The following ABHD12 variants were observed in gnomAD, a reference collection of about 807,000 sequenced individuals.
The protein encoded by ABHD12 is lysophosphatidylserine lipase ABHD12.
A neutral mutation model predicts 58.3 loss-of-function variants in ABHD12; 43 were observed. That is an observed-to-expected ratio of 0.74 (90% CI 0.58 to 0.95). ABHD12 has a LOEUF of 0.95. Among genes scored for constraint, ABHD12 ranks in the 40% least tolerant of loss-of-function variants. The pLI, the probability that ABHD12 is intolerant of heterozygous loss-of-function variation, is 0.00. For synonymous variants in ABHD12, 219 were observed against 211.2 expected (o/e 1.04, Z -0.32); for missense variants, 539 against 537.2 (o/e 1.00, Z -0.03).
At chr20:25,330,129 G>A (rs768717815) in intron 2 of ABHD12, among the ~76,000 whole-genome samples, 9 of 152,260 alleles carry the variant, frequency 5.9e-5, no homozygotes, top group Non-Finnish European at 7.3e-5. Flanking sequence ...GCCAAAGCAG[G>A]GCAAGGCATT....
chr20:25,302,101 G>A (rs565046026), intron 12 of ABHD12, 118 bp downstream of exon 12: 31 of 1,448,484 alleles, frequency 2.1e-5, no homozygotes, highest in Non-Finnish European at 2.9e-5. Flanking sequence ...CCAAATCACT[G>A]TGACTCTTGG....
chr20:25,303,322 T>A, intron 11 of ABHD12: 1 of 1,426,816 alleles, frequency 7.0e-7, no homozygotes, highest in Non-Finnish European at 9.2e-7. Context: ...ACAGCATCAG[T>A]GGGCCCCTGC....
At chr20:25,302,129 G>A (rs1228020294) in intron 12 of ABHD12, 90 bp downstream of exon 12, 8 of 1,584,682 alleles carry the variant, frequency 5.0e-6, no homozygotes, top group African/African-American at 4.0e-5. Flanking sequence ...GAGGCCCCCT[G>A]AGCAGCTTCA....
At chr20:25,301,302 A>G (rs2088631046) in intron 12 of ABHD12, among the ~76,000 whole-genome samples, 1 of 152,226 alleles carries the variant, frequency 6.6e-6, no homozygotes, top group South Asian at 2.1e-4. Flanking sequence ...CAACTGGAGA[A>G]AAGCAGAAGT....
chr20:25,368,732 C>T (rs2089858939), intron 1 of ABHD12: 2 of 1,170,040 alleles, frequency 1.7e-6, no homozygotes, highest in Non-Finnish European at 2.5e-6. Flanking sequence ...GGCTTGCCTT[C>T]GTCAGCAATG....
chr20:25,314,134 G>A (rs3002699), intron 6 of ABHD12, among the ~76,000 whole-genome samples: 3,817 of 151,948 alleles, frequency 0.025, 145 homozygotes, highest in African/African-American at 0.083. Flanking sequence ...CATTACGCCC[G>A]GTTAATTTTT....
intron 1 of ABHD12, among the ~76,000 whole-genome samples, chr20:25,341,422 T>TAAAA (rs1200869637): frequency 0.011 from 1,697 of 152,356 alleles, 32 homozygotes; most frequent in African/African-American, 0.036. Context: ...ATCTAGCTTT[T>TAAAA]CAATGAGGGT....
chr20:25,335,570 A>G (rs1251439164), intron 2 of ABHD12, among the ~76,000 whole-genome samples: 3 of 126,308 alleles, frequency 2.4e-5, no homozygotes, highest in Non-Finnish European at 4.9e-5. Flanking sequence ...ATGTCCAACA[A>G]TGATAGACTG....
At chr20:25,378,195 C>T (rs2089982182) in intron 1 of ABHD12, among the ~76,000 whole-genome samples, 1 of 152,230 alleles carries the variant, frequency 6.6e-6, no homozygotes, top group African/African-American at 2.4e-5. Flanking sequence ...TGAAGGTAGA[C>T]TAACCTTCTC....
chr20:25,386,415 C>G (rs561645818), intron 1 of ABHD12, among the ~76,000 whole-genome samples: 111 of 151,256 alleles, frequency 7.3e-4, no homozygotes, highest in African/African-American at 2.6e-3. Flanking sequence ...CCCGCCACCA[C>G]GCCTGGCTAA....
chr20:25,314,499 G>A (rs1168709964), intron 6 of ABHD12, among the ~76,000 whole-genome samples: 1 of 151,928 alleles, frequency 6.6e-6, no homozygotes, highest in Admixed American at 6.6e-5. Context: ...GCAACACAGC[G>A]ATACCCCATT....
chr20:25,301,677 C>G (rs1231756997), intron 12 of ABHD12, among the ~76,000 whole-genome samples: 2 of 152,240 alleles, frequency 1.3e-5, no homozygotes, highest in Non-Finnish European at 2.9e-5. Flanking sequence ...GGGGGTTGGT[C>G]CATTCCACAC....
intron 1 of ABHD12, among the ~76,000 whole-genome samples, chr20:25,346,471 T>C (rs779750663): frequency 3.3e-5 from 5 of 151,982 alleles, no homozygotes; most frequent in African/African-American, 4.8e-5. Flanking sequence ...AACTATGGAT[T>C]TGGGGTGATG....
chr20:25,390,780 C>T lies in ABHD12; in HGVS notation c.-77G>A. 1 of 1,031,770 alleles carries T rather than the reference C, an allele frequency of 9.7e-7. No homozygotes were observed. The highest frequency in any genetic ancestry group is 1.2e-6 in the Non-Finnish European group (1 of 816,282). 63.9% of individuals were successfully genotyped at this position (1,031,770 alleles called of 1,614,324 possible). On this transcript the variant is annotated 5_prime_UTR_variant, in exon 1 of 13. It adds an upstream start codon to the 5' untranslated region. Coordinates refer to ENST00000339157, the MANE Select transcript of ABHD12 (RefSeq NM_001042472.3). ...GTGCCGCCGCTCACAGCCGCCGCCACCCAGAGCCCGGAGCCCGGAACCCGC... is the reference window on the plus strand; with the variant it reads ...GTGCCGCCGCTCACAGCCGCCGCCATCCAGAGCCCGGAGCCCGGAACCCGC...
intron 3 of ABHD12, among the ~76,000 whole-genome samples, chr20:25,320,925 G>C (rs1379389336): frequency 2.6e-5 from 4 of 152,208 alleles, no homozygotes; most frequent in Non-Finnish European, 4.4e-5. Flanking sequence ...CCTTCAGAGA[G>C]ATACTGAGGT....
At chr20:25,309,604 G>T in intron 6 of ABHD12, 29 bp from the exon 7 acceptor site, 1 of 1,613,154 alleles carries the variant, frequency 6.2e-7, no homozygotes, top group Non-Finnish European at 8.5e-7. Context: ...AGGACGGGGA[G>T]GTCAAAGGCA....
chr20:25,366,757 A>G (rs994173868), intron 1 of ABHD12, among the ~76,000 whole-genome samples: 4 of 152,176 alleles, frequency 2.6e-5, no homozygotes, highest in African/African-American at 7.2e-5. Flanking sequence ...ACCTTTATTA[A>G]CAATCAAAAT....
At chr20:25,322,934 G>C (rs2089107260) in intron 3 of ABHD12, among the ~76,000 whole-genome samples, 1 of 151,738 alleles carries the variant, frequency 6.6e-6, no homozygotes, top group South Asian at 2.1e-4. Context: ...TGTCGCCAAG[G>C]CTGGTCTCAA....
At chr20:25,340,406 C>G (rs2089440141) in intron 1 of ABHD12, among the ~76,000 whole-genome samples, 1 of 152,248 alleles carries the variant, frequency 6.6e-6, no homozygotes, top group Admixed American at 6.5e-5. Flanking sequence ...TCTGCTTCTG[C>G]ATGCAATCTG....
Sources: gnomAD v4.1 joint callset for allele counts (sites outside exome capture counted in the v4.1 genomes callset) on GRCh38, gnomAD v4.1.1 for gene constraint, MANE v1.5 for transcripts, NCBI Gene and HGNC (gene_info 2026-07-23, HGNC 2026-07-21) for gene names.